The following MROH2A variants were observed in gnomAD, a reference collection of about 807,000 sequenced individuals.
The protein encoded by MROH2A is maestro heat-like repeat-containing protein family member 2A.
A neutral mutation model predicts 200.4 loss-of-function variants in MROH2A; 174 were observed. The observed-to-expected ratio is 0.87, with a 90% CI of 0.77 to 0.98. The LOEUF (loss-of-function observed/expected upper bound fraction) is 0.98. MROH2A is among the 50% of genes least tolerant of loss of function. The pLI is 0.00. For synonymous variants in MROH2A, 829 were observed against 840.4 expected (o/e 0.99, Z 0.23); for missense variants, 2,045 against 2,139.6 (o/e 0.96, Z 0.87).
intron 3 of MROH2A, among the ~76,000 whole-genome samples, chr2:233,783,023 G>A (rs1184905784): frequency 3.3e-5 from 5 of 152,122 alleles, no homozygotes; most frequent in Admixed American, 3.3e-4. Flanking sequence ...CACATTTATT[G>A]ATTTGTGTGT....
In MROH2A at chr2:233,819,959, G is replaced by A. The variant is rs1016334204; in HGVS notation, c.3415G>A (p.Val1139Met). The change falls in exon 31 of 42, where the codon GTG becomes ATG. Residue 1139 changes from valine (V) to methionine (M), a missense_variant. Val to Met is a conservative substitution (Grantham distance 21). This residue lies in a region of MROH2A where 1,201 missense variants were observed against 1,311.3 expected (regional missense o/e 0.92). Coordinates refer to ENST00000389758, the MANE Select transcript of MROH2A (RefSeq NM_001394639.1). ...VHLPVVDHPE[V>M]RRLLIDGILL... ...CCTGCCGGTGGTGGACCACCCAGAGGTGCGGCGCCTTCTCATTGACGGCAT... is the reference window on the plus strand; with the variant it reads ...CCTGCCGGTGGTGGACCACCCAGAGATGCGGCGCCTTCTCATTGACGGCAT... 1.4e-4 allele frequency: 215 copies of A among 1,546,392 alleles called. No homozygotes were observed. Among genetic ancestry groups the A allele is most frequent in the Non-Finnish European group, 1.8e-4 (202 of 1,144,120 alleles).
chr2:233,829,102 G>T (rs1704536641), intron 37 of MROH2A, 30 bp downstream of exon 37: 2 of 1,476,456 alleles, frequency 1.4e-6, no homozygotes, highest in African/African-American at 1.4e-5. Flanking sequence ...CCCTGAGCTT[G>T]CTCAGTGAAG....
intron 3 of MROH2A, among the ~76,000 whole-genome samples, chr2:233,782,668 AT>A (rs1191319410): frequency 6.6e-6 from 1 of 152,180 alleles, no homozygotes; most frequent in Non-Finnish European, 1.5e-5. Flanking sequence ...AACAAGGATA[AT>A]TTGACTTCTT....
chr2:233,777,405 A>G (rs1700741359), upstream of MROH2A, among the ~76,000 whole-genome samples: 1 of 152,142 alleles, frequency 6.6e-6, no homozygotes, highest in African/African-American at 2.4e-5. Context: ...GGGGAGTGGG[A>G]GGAGGTAGTG....
upstream of MROH2A, among the ~76,000 whole-genome samples, chr2:233,777,618 C>T (rs541946764): frequency 1.3e-5 from 2 of 152,334 alleles, no homozygotes; most frequent in East Asian, 1.9e-4. Flanking sequence ...GTAATGAGCT[C>T]CCTCGTATTG....
In MROH2A at chr2:233,820,417, A is replaced by G. The variant is rs1183314480; in HGVS notation, c.3512+361A>G. ...GCTCCAAGGCATGAGCAAGCCCTGG[A>G]TATATTCCAGGCTGTCCCTATTTCT... On this transcript the variant is annotated intron_variant, in intron 31 of 41. Coordinates refer to ENST00000389758, the MANE Select transcript of MROH2A (RefSeq NM_001394639.1). The surrounding 1 kb of genome is among the most constrained non-coding windows in gnomAD (Gnocchi z 4.1). 6.6e-6 allele frequency among the ~76,000 whole-genome samples: 1 copy of G among 152,124 alleles called. No individual in the cohort carries two copies. The highest frequency in any genetic ancestry group is 2.1e-4 in the South Asian group (1 of 4,826).
At chr2:233,780,651 A>G (rs563339430) in intron 3 of MROH2A, among the ~76,000 whole-genome samples, 2 of 152,380 alleles carry the variant, frequency 1.3e-5, no homozygotes, top group Admixed American at 1.3e-4. Context: ...TGATATTTCA[A>G]AACATATATA....
intron 33 of MROH2A, 52 bp from the exon 34 acceptor site, chr2:233,822,829 G>C: frequency 6.5e-7 from 1 of 1,541,598 alleles, no homozygotes; most frequent in African/African-American, 1.4e-5. Context: ...AGCCTCCCCA[G>C]GCCATGCGCT....
chr2:233,811,115 T>G (rs1473266216), intron 23 of MROH2A, among the ~76,000 whole-genome samples, 199 bp downstream of exon 23: 1 of 152,238 alleles, frequency 6.6e-6, no homozygotes, highest in Non-Finnish European at 1.5e-5. Flanking sequence ...GCCAGTCAAC[T>G]GTTTGGAAAC....
intron 29 of MROH2A, among the ~76,000 whole-genome samples, 182 bp downstream of exon 29, chr2:233,818,952 T>C (rs1305801232): frequency 6.6e-6 from 1 of 152,254 alleles, no homozygotes; most frequent in African/African-American, 2.4e-5. Context: ...GTCATGTCCC[T>C]ACTTTGTCTC....
At chr2:233,812,317 G>T (rs1703213485) in intron 24 of MROH2A, among the ~76,000 whole-genome samples, 1 of 152,202 alleles carries the variant, frequency 6.6e-6, no homozygotes, top group African/African-American at 2.4e-5. Flanking sequence ...TGAGTTGAAG[G>T]GCTTAGTCAA....
chr2:233,822,836 C>A lies in MROH2A; in HGVS notation c.3867-45C>A, dbSNP rs747362949. On this transcript the variant is annotated intron_variant, in intron 33 of 41. Coordinates refer to ENST00000389758, the MANE Select transcript of MROH2A (RefSeq NM_001394639.1). ...ATTGCAGCAGCCTCCCCAGGCCATG[C>A]GCTCCCAGCAGGGCAGCGCATCACA... 207 of 1,542,868 alleles carry A rather than the reference C, an allele frequency of 1.3e-4. No homozygotes were observed. The African/African-American group carries it at 2.5e-3, about 18-fold the overall frequency.
At chr2:233,780,892 C>T (rs1257277250) in intron 3 of MROH2A, among the ~76,000 whole-genome samples, 1 of 152,184 alleles carries the variant, frequency 6.6e-6, no homozygotes, top group Non-Finnish European at 1.5e-5. Flanking sequence ...CCTCCCCTGC[C>T]CTTACCTTTC....
Position 233,787,995 on chromosome 2 carries a change from TTA to T in MROH2A, c.277-1493_277-1492del, listed in dbSNP as rs1259214751. On this transcript the variant is annotated intron_variant, in intron 3 of 41. Transcript: ENST00000389758. ...TACATATATATTATATATACATATA[TTA>T]TATATATACATATATATTATATATA... Among the ~76,000 whole-genome samples the T allele has an allele frequency of 4.8e-3, 147 of 30,818 alleles. 1 individual carries two copies. Among genetic ancestry groups the T allele is most frequent in the African/African-American group, 8.8e-3 (67 of 7,636 alleles). 20.2% of individuals were successfully genotyped at this position (30,818 alleles called of 152,430 possible).
intron 8 of MROH2A, among the ~76,000 whole-genome samples, chr2:233,795,095 C>T (rs762323600): frequency 2.0e-5 from 3 of 152,186 alleles, no homozygotes; most frequent in Non-Finnish European, 4.4e-5. Flanking sequence ...CTAATTCCAT[C>T]ACAAAGACCC....
chr2:233,831,809 T>C (rs546665650), intron 39 of MROH2A, among the ~76,000 whole-genome samples: 4 of 152,364 alleles, frequency 2.6e-5, no homozygotes, highest in East Asian at 3.9e-4. Context: ...AACTAAAACA[T>C]GATCATTTCA....
At chr2:233,805,672 A>C (rs1702746845) in intron 19 of MROH2A, among the ~76,000 whole-genome samples, 1 of 152,204 alleles carries the variant, frequency 6.6e-6, no homozygotes, top group African/African-American at 2.4e-5. Flanking sequence ...ACTGCAGTAA[A>C]ACTCCTTACA....
At position 233,812,886 on chromosome 2, in the gene MROH2A, C is replaced by G. The variant is rs11563015; in HGVS notation, c.2652-784C>G. Reference sequence around the variant, plus strand: ...GCTTAGGCAGAACGACTGGACTTGGCGCTTCCTAGGAGAGTGTAATACAAG... The same window carrying G: ...GCTTAGGCAGAACGACTGGACTTGGGGCTTCCTAGGAGAGTGTAATACAAG... On this transcript the variant is annotated intron_variant, in intron 24 of 41. Coordinates refer to ENST00000389758, the MANE Select transcript of MROH2A (RefSeq NM_001394639.1). Among the ~76,000 whole-genome samples, 1,605 of 152,270 alleles carry G rather than the reference C, an allele frequency of 0.011. 129 individuals are homozygous for G. In the East Asian group the frequency reaches 0.21, roughly 20 times the overall value.
rs377256956 is a variant in MROH2A, at chr2:233,796,074, C to A, written c.1138+29C>A. On this transcript the variant is annotated intron_variant, in intron 10 of 41. Coordinates refer to ENST00000389758, the MANE Select transcript of MROH2A (RefSeq NM_001394639.1). ...AGGCTCTGCGGCAGGGTGCTCCCTG[C>A]CTGCCCCGAGGCCTGCAGGAGGCCT... is the stretch of plus-strand genomic sequence containing the variant. 1.9e-4 allele frequency: 293 copies of A among 1,547,362 alleles called. 2 individuals are homozygous for A. The East Asian group carries it at 5.0e-3, about 26-fold the overall frequency.
Sources: gnomAD v4.1 joint callset for allele counts (sites outside exome capture counted in the v4.1 genomes callset) on GRCh38, gnomAD v4.1.1 for gene constraint, gnomAD v4.1.1 regional missense constraint, Gnocchi (gnomAD v3.1) non-coding constraint, MANE v1.5 for transcripts, NCBI Gene and HGNC (gene_info 2026-07-23, HGNC 2026-07-21) for gene names.